Variants in PTCHD4 observed in about 807,000 individuals in gnomAD.
PTCHD4 encodes the protein patched domain containing 4.
A neutral mutation model predicts 58.1 loss-of-function variants in PTCHD4; 33 were observed. The ratio of observed to expected loss-of-function variants is 0.57; its 90% CI spans 0.43 to 0.76. PTCHD4 has a LOEUF of 0.76. PTCHD4 is among the 30% of genes least tolerant of loss of function. The pLI is 0.00. For missense variants in PTCHD4, 1,058 were observed against 1,027.1 expected, an observed-to-expected ratio of 1.03 and a Z score of -0.41; for synonymous variants, 478 against 409.6, an observed-to-expected ratio of 1.17 and a Z score of -2.02.
chr6:47,976,593 G>T (rs1767698092), intron 4 of PTCHD4, among the ~76,000 whole-genome samples: 2 of 151,894 alleles, frequency 1.3e-5, no homozygotes, highest in Admixed American at 1.3e-4. Context: ...GGCAGAGGTT[G>T]AAGTGAGCCA....
At position 48,008,802 on chromosome 6, in the gene PTCHD4, T is replaced by C. The variant is rs746997235; in HGVS notation, c.730A>G (p.Thr244Ala). 2.5e-6 allele frequency: 4 copies of C among 1,613,876 alleles called. No individual in the cohort carries two copies. The South Asian group carries it at 3.3e-5, about 13-fold the overall frequency. The change falls in exon 4 of 5, where the codon ACA becomes GCA. Residue 244 changes from threonine (T) to alanine (A), a missense_variant. Thr to Ala is a moderately conservative substitution (Grantham distance 58). Transcript: ENST00000339488. ...TTCATGGAGCTGGAGAGGGTGGCTG[T>C]GGTCAGGATCAGCACGAGGCTCACC... ...VLVSLVLILT[T>A]ATLSSSMKDC...
intron 3 of PTCHD4, among the ~76,000 whole-genome samples, chr6:48,011,267 C>G (rs1762660569): frequency 1.3e-5 from 2 of 152,116 alleles, no homozygotes; most frequent in African/African-American, 4.8e-5. Context: ...TAATGATTAC[C>G]ACTCTAACTG....
chr6:47,998,401 T>C (rs931327142), intron 4 of PTCHD4, among the ~76,000 whole-genome samples: 14 of 152,164 alleles, frequency 9.2e-5, no homozygotes, highest in African/African-American at 3.1e-4. Flanking sequence ...TTTACAAATC[T>C]TTCCATTTAA....
intron 4 of PTCHD4, among the ~76,000 whole-genome samples, chr6:47,884,090 GTA>G (rs1478366126): frequency 6.7e-6 from 1 of 150,010 alleles, no homozygotes; most frequent in African/African-American, 2.5e-5. Flanking sequence ...GCTTATGTAT[GTA>G]TGTGTGTGTG....
At chr6:47,940,003 A>G (rs914868657) in intron 4 of PTCHD4, among the ~76,000 whole-genome samples, 1 of 152,086 alleles carries the variant, frequency 6.6e-6, no homozygotes, top group Non-Finnish European at 1.5e-5. Flanking sequence ...TTAGACATAC[A>G]TCGCTTTGAA....
At position 48,081,241 on chromosome 6, in the gene PTCHD4, G is replaced by T. The variant is rs184002876; in HGVS notation, c.-969-11315C>A. ...TGTAATTTGGTGATAGATTAAATGTGGATGTGTACATTAAAAGCGGGCAGC... is the reference window on the plus strand; with the variant it reads ...TGTAATTTGGTGATAGATTAAATGTTGATGTGTACATTAAAAGCGGGCAGC... On this transcript the variant is annotated intron_variant, in intron 1 of 4. Coordinates refer to ENST00000339488, the MANE Select transcript of PTCHD4 (RefSeq NM_001384253.1). Among the ~76,000 whole-genome samples, 4 of 152,284 alleles carry T rather than the reference G, an allele frequency of 2.6e-5. No individual in the cohort carries two copies. In the East Asian group the frequency reaches 7.7e-4, roughly 29 times the overall value.
chr6:47,994,341 A>G (rs1197416895), intron 4 of PTCHD4, among the ~76,000 whole-genome samples: 2 of 152,216 alleles, frequency 1.3e-5, no homozygotes, highest in African/African-American at 2.4e-5. Flanking sequence ...GACAGAGCAT[A>G]TTTCATTCAG....
chr6:47,922,841 G>A (rs1176951193), intron 4 of PTCHD4, among the ~76,000 whole-genome samples: 1 of 152,164 alleles, frequency 6.6e-6, no homozygotes, highest in Non-Finnish European at 1.5e-5. Context: ...GCCTAAAAAT[G>A]GACTCTCTTT....
intron 1 of PTCHD4, among the ~76,000 whole-genome samples, chr6:48,072,051 G>T (rs1393836435): frequency 6.6e-6 from 1 of 152,110 alleles, no homozygotes; most frequent in East Asian, 1.9e-4. Context: ...CAACTGAAGT[G>T]GCATTTTTCA....
In PTCHD4 at chr6:48,028,284, G is replaced by A. The variant is rs374324419; in HGVS notation, c.418-19170C>T. Among the ~76,000 whole-genome samples the A allele has an allele frequency of 7.2e-5, 11 of 151,792 alleles. No individual in the cohort carries two copies. In the East Asian group the frequency reaches 1.4e-3, roughly 19 times the overall value. On this transcript the variant is annotated intron_variant, in intron 3 of 4. Transcript: ENST00000339488. ...TGTTTTTTTTGATGAGAAAATATAT[G>A]AGGTATGAAAGGTTTGATTTGGCTA...
chr6:48,097,926 C>T (rs1033157056), intron 1 of PTCHD4, among the ~76,000 whole-genome samples: 1 of 152,148 alleles, frequency 6.6e-6, no homozygotes, highest in Non-Finnish European at 1.5e-5. Flanking sequence ...TGTCCCTTAA[C>T]ATCAATTTCA....
chr6:47,948,021 T>C (rs1332124159), intron 4 of PTCHD4, among the ~76,000 whole-genome samples: 1 of 152,312 alleles, frequency 6.6e-6, no homozygotes, highest in Non-Finnish European at 1.5e-5. Context: ...TCTCAGAAAT[T>C]TCTTCCCTCA....
chr6:48,108,437 C>A (rs940866073), intron 1 of PTCHD4, among the ~76,000 whole-genome samples: 7 of 152,010 alleles, frequency 4.6e-5, no homozygotes, highest in Non-Finnish European at 1.5e-5. Context: ...GAACATCACA[C>A]ACCAGGGACT....
At chr6:48,038,841 G>A (rs1167125879) in intron 3 of PTCHD4, among the ~76,000 whole-genome samples, 3 of 152,112 alleles carry the variant, frequency 2.0e-5, no homozygotes, top group Non-Finnish European at 2.9e-5. Flanking sequence ...GCCACAGGTT[G>A]ATTTATCAAA....
chr6:48,069,250 A>G lies in PTCHD4; in HGVS notation c.-293T>C, dbSNP rs536867549. The stretch of plus-strand genomic sequence containing the variant: ...TTAAGATGCTGACAGTTATTTTTAG[A>G]GTTTTGTGTTCCCTCTTCCCTCCCC... On this transcript the variant is annotated 5_prime_UTR_variant, in exon 2 of 5. Coordinates refer to ENST00000339488, the MANE Select transcript of PTCHD4 (RefSeq NM_001384253.1). Among the ~76,000 whole-genome samples the G allele has an allele frequency of 1.3e-5, 2 of 149,100 alleles. No individual in the cohort carries two copies. Among genetic ancestry groups the G allele is most frequent in the Admixed American group, 6.7e-5 (1 of 14,962 alleles).
At chr6:47,916,219 T>C (rs958094185) in intron 4 of PTCHD4, among the ~76,000 whole-genome samples, 9 of 152,034 alleles carry the variant, frequency 5.9e-5, no homozygotes, top group African/African-American at 2.2e-4. Flanking sequence ...TCTCAGTAAA[T>C]GGGAAAGGAC....
chr6:48,034,421 A>G (rs920944730), intron 3 of PTCHD4, among the ~76,000 whole-genome samples: 7 of 152,086 alleles, frequency 4.6e-5, no homozygotes, highest in Admixed American at 4.6e-4. Flanking sequence ...CCTTGACATG[A>G]GGAATTAGAA....
chr6:47,974,111 G>T (rs949439585), intron 4 of PTCHD4, among the ~76,000 whole-genome samples: 7 of 152,162 alleles, frequency 4.6e-5, no homozygotes, highest in African/African-American at 1.7e-4. Context: ...AGACGGGAAT[G>T]AGTACAAATA....
chr6:48,063,674 C>T (rs775088157), intron 3 of PTCHD4, among the ~76,000 whole-genome samples: 32 of 152,258 alleles, frequency 2.1e-4, no homozygotes, highest in Non-Finnish European at 3.1e-4. Flanking sequence ...GATTAAATAG[C>T]ATGTGTGTTT....
Sources: allele counts gnomAD v4.1 joint callset (sites outside exome capture counted in the v4.1 genomes callset), GRCh38; gene constraint gnomAD v4.1.1; transcripts MANE v1.5; gene names NCBI Gene and HGNC (gene_info 2026-07-23, HGNC 2026-07-21).